KIAA0586: variants seen among roughly 807,000 people sequenced by gnomAD.
The protein encoded by KIAA0586 is KIAA0586.
Under a neutral mutation model 169.8 loss-of-function variants are expected in KIAA0586, and 144 were observed. That is an observed-to-expected ratio of 0.85 (90% CI 0.74 to 0.97). KIAA0586 has a LOEUF of 0.97. KIAA0586 is among the 50% of genes least tolerant of loss of function. The pLI, the probability that KIAA0586 is intolerant of heterozygous loss-of-function variation, is 0.00. For missense variants in KIAA0586, 1,854 were observed against 1,823.0 expected (o/e 1.02, Z -0.31); for synonymous variants, 625 against 612.4 (o/e 1.02, Z -0.30).
intron 8 of KIAA0586, among the ~76,000 whole-genome samples, chr14:58,451,474 G>C (rs1671996145): frequency 6.6e-6 from 1 of 151,982 alleles, no homozygotes; most frequent in Non-Finnish European, 1.5e-5. Flanking sequence ...CGATCTGCCC[G>C]CCTCAGCCTC....
chr14:58,466,147 C>G, intron 15 of KIAA0586, 118 bp downstream of exon 15: 1 of 687,994 alleles, frequency 1.5e-6, no homozygotes, highest in Non-Finnish European at 2.4e-6. Flanking sequence ...AACTCCTGGA[C>G]TCAAGCAGTC....
intron 15 of KIAA0586, 75 bp downstream of exon 15, chr14:58,466,104 C>T (rs1470197587): frequency 1.0e-5 from 12 of 1,147,674 alleles, no homozygotes; most frequent in East Asian, 2.4e-5. Flanking sequence ...TTATTAGAGA[C>T]GGGGTTTCAC....
chr14:58,462,793 G>A (rs754018910), intron 14 of KIAA0586, among the ~76,000 whole-genome samples: 3 of 152,102 alleles, frequency 2.0e-5, no homozygotes, highest in Non-Finnish European at 2.9e-5. Flanking sequence ...TCTCTGGGGA[G>A]GCCTCAGAAA....
chr14:58,483,246 C>T (rs188534078), intron 21 of KIAA0586, among the ~76,000 whole-genome samples: 1 of 152,138 alleles, frequency 6.6e-6, no homozygotes, highest in African/African-American at 2.4e-5. Context: ...TATGATTGGC[C>T]TCTTGCAGTT....
chr14:58,458,612 G>T, intron 12 of KIAA0586, 67 bp downstream of exon 12: 1 of 801,504 alleles, frequency 1.2e-6, no homozygotes. Context: ...CCAATTTACA[G>T]GCATTACATT....
intron 21 of KIAA0586, among the ~76,000 whole-genome samples, chr14:58,482,953 C>G (rs890343216): frequency 4.6e-5 from 7 of 152,050 alleles, no homozygotes; most frequent in African/African-American, 1.7e-4. Flanking sequence ...GAATTTTATT[C>G]CTTGTTGCTA....
rs562831276 is a variant in KIAA0586, at chr14:58,436,034, G to A, written c.410+3577G>A. Among the ~76,000 whole-genome samples the A allele has an allele frequency of 1.2e-4, 18 of 152,192 alleles. 1 individual carries two copies. Among genetic ancestry groups the A allele is most frequent in the African/African-American group, 4.1e-4 (17 of 41,526 alleles). ...AGAATGATACATTCTTAACATGAAG[G>A]ACAATGTTTATTGGAAACCTGCAGT... On this transcript the variant is annotated intron_variant, in intron 4 of 30. Transcript: ENST00000652326.
intron 15 of KIAA0586, among the ~76,000 whole-genome samples, chr14:58,467,331 G>A (rs750766109): frequency 6.6e-6 from 1 of 152,220 alleles, no homozygotes; most frequent in Non-Finnish European, 1.5e-5. Context: ...CTAGAATGGT[G>A]CCAGGATTCA....
intron 27 of KIAA0586, among the ~76,000 whole-genome samples, chr14:58,506,148 T>G (rs1371090338): frequency 6.6e-6 from 1 of 152,186 alleles, no homozygotes; most frequent in Admixed American, 6.5e-5. Context: ...TTATATGTAA[T>G]TCTTTTCTCT....
In KIAA0586 at chr14:58,457,762, A is replaced by G. The variant is rs2039994091; in HGVS notation, c.1366A>G (p.Lys456Glu). The part of the protein sequence containing the change: ...EKETNSMVQP[K>E]ESLSMLKLPD... ...TCTGGTCTTTTTTTCTTTTAAGCCAAAAGAATCTCTGAGTATGTTGAAGCT... is the reference window on the plus strand; with the variant it reads ...TCTGGTCTTTTTTTCTTTTAAGCCAGAAGAATCTCTGAGTATGTTGAAGCT... Residue 456 changes from lysine to glutamate, a missense_variant, in exon 11 of 31, where the codon AAA (lysine) becomes GAA (glutamate). Transcript: ENST00000652326. 1.3e-6 allele frequency: 2 copies of G among 1,579,260 alleles called. No individual in the cohort carries two copies. Among genetic ancestry groups the G allele is most frequent in the Non-Finnish European group, 1.7e-6 (2 of 1,165,180 alleles).
chr14:58,480,574 T>C (rs756594380), intron 20 of KIAA0586, among the ~76,000 whole-genome samples: 112 of 152,146 alleles, frequency 7.4e-4, no homozygotes, highest in Non-Finnish European at 1.5e-3. Flanking sequence ...GATGCTCCCC[T>C]GGCATCTCAT....
intron 2 of KIAA0586, among the ~76,000 whole-genome samples, chr14:58,429,812 A>T (rs2037209898): frequency 6.6e-6 from 1 of 152,184 alleles, no homozygotes; most frequent in Non-Finnish European, 1.5e-5. Flanking sequence ...TGTCATTCTA[A>T]CACTTGTGAG....
intron 9 of KIAA0586, among the ~76,000 whole-genome samples, chr14:58,456,108 A>G (rs1029134048): frequency 2.0e-5 from 3 of 152,114 alleles, no homozygotes; most frequent in Non-Finnish European, 2.9e-5. Flanking sequence ...GACAAACACT[A>G]TGAATGAGAC....
At chr14:58,437,977 T>C (rs1441244421) in intron 4 of KIAA0586, among the ~76,000 whole-genome samples, 1 of 152,170 alleles carries the variant, frequency 6.6e-6, no homozygotes, top group Non-Finnish European at 1.5e-5. Flanking sequence ...GGGTATGGTG[T>C]TAACAAAGCC....
chr14:58,561,953 C>G, the KIAA0586 span, among the ~76,000 whole-genome samples: 1 of 152,126 alleles, frequency 6.6e-6, no homozygotes, highest in African/African-American at 2.4e-5. Context: ...TGAAAGGCAA[C>G]CCTTTTCATG....
At position 58,457,777 on chromosome 14, in the gene KIAA0586, A is replaced by G. The variant is rs2039995243; in HGVS notation, c.1381A>G (p.Met461Val). The G allele has an allele frequency of 1.6e-5, 26 of 1,598,624 alleles. No homozygotes were observed. Among genetic ancestry groups the G allele is most frequent in the Non-Finnish European group, 2.1e-5 (25 of 1,172,534 alleles). Residue 461 changes from methionine to valine, a missense_variant, in exon 11 of 31, where the codon ATG (methionine) becomes GTG (valine). Met to Val is a conservative substitution (Grantham distance 21, BLOSUM62 1). Coordinates refer to ENST00000652326, the MANE Select transcript of KIAA0586 (RefSeq NM_001329943.3). Reference sequence around the variant, plus strand: ...TTTTAAGCCAAAAGAATCTCTGAGTATGTTGAAGCTTCCAGATCTTCCACA... The same window carrying G: ...TTTTAAGCCAAAAGAATCTCTGAGTGTGTTGAAGCTTCCAGATCTTCCACA... ...SMVQPKESLS[M>V]LKLPDLPQNS...
chr14:58,536,969 C>G (rs959812768), intron 29 of KIAA0586: 8 of 1,196,718 alleles, frequency 6.7e-6, no homozygotes, highest in African/African-American at 3.2e-5. Flanking sequence ...TCCTTCTCAT[C>G]TTTTGACTTC....
intron 4 of KIAA0586, chr14:58,440,121 A>G (rs1189936776): frequency 2.7e-5 from 11 of 404,266 alleles, no homozygotes; most frequent in Middle Eastern, 7.0e-4. Context: ...GGGCTCAAGC[A>G]GTCTTCCTGC....
At chr14:58,517,799 A>G (rs1401815773) in intron 29 of KIAA0586, among the ~76,000 whole-genome samples, 1 of 152,232 alleles carries the variant, frequency 6.6e-6, no homozygotes, top group Non-Finnish European at 1.5e-5. Context: ...AGCAATGAAC[A>G]GACGTGAACT....
Sources: gnomAD v4.1 joint callset for allele counts (sites outside exome capture counted in the v4.1 genomes callset) on GRCh38, gnomAD v4.1.1 for gene constraint, MANE v1.5 for transcripts, NCBI Gene and HGNC (gene_info 2026-07-23, HGNC 2026-07-21) for gene names.